The following SIM1 variants were observed in gnomAD, a reference collection of about 807,000 sequenced individuals.
SIM1 encodes the protein SIM bHLH transcription factor 1.
SIM1 carries 18 observed loss-of-function variants against 78.2 expected under a neutral mutation model. The observed-to-expected ratio is 0.23, with a 90% CI of 0.16 to 0.34. SIM1 has a LOEUF of 0.34. Ranked by LOEUF, SIM1 falls within the 10% of genes least tolerant of loss-of-function variation. SIM1 has a pLI of 1.00. For synonymous variants in SIM1, 417 were observed against 385.2 expected, an observed-to-expected ratio of 1.08 and a Z score of -0.97; for missense variants, 939 against 975.1, an observed-to-expected ratio of 0.96 and a Z score of 0.49.
At chr6:100,411,659 G>A (rs1374164575) in intron 10 of SIM1, among the ~76,000 whole-genome samples, 2 of 152,042 alleles carry the variant, frequency 1.3e-5, no homozygotes, top group Non-Finnish European at 2.9e-5. Flanking sequence ...ATGGATGCTG[G>A]GGAATGGAGG....
intron 10 of SIM1, among the ~76,000 whole-genome samples, chr6:100,406,814 T>C (rs1771061718): frequency 7.0e-6 from 1 of 143,620 alleles, no homozygotes; most frequent in Non-Finnish European, 1.6e-5. Flanking sequence ...TCACCTCACA[T>C]CGTTACCTTT....
chr6:100,440,913 T>A (rs1772196001), intron 9 of SIM1, among the ~76,000 whole-genome samples: 2 of 151,808 alleles, frequency 1.3e-5, no homozygotes, highest in Admixed American at 1.3e-4. Flanking sequence ...GTGAGTAGAC[T>A]AAGTCAGGAG....
At chr6:100,443,502 T>C (rs1772267956) in intron 9 of SIM1, among the ~76,000 whole-genome samples, 1 of 152,120 alleles carries the variant, frequency 6.6e-6, no homozygotes, top group South Asian at 2.1e-4. Flanking sequence ...TAGTTTAAAA[T>C]ACAGTATCAT....
chr6:100,412,803 C>G (rs945522432), intron 10 of SIM1, among the ~76,000 whole-genome samples: 1 of 151,488 alleles, frequency 6.6e-6, no homozygotes, highest in African/African-American at 2.4e-5. Flanking sequence ...GAAGGAAGGA[C>G]GGACGGACGG....
In SIM1 at chr6:100,387,553, T is replaced by C. The variant is rs1472394137; in HGVS notation, c.*2808A>G. 2.0e-5 allele frequency: 3 copies of C among 152,088 alleles called. No homozygotes were observed. The highest frequency in any genetic ancestry group is 4.4e-5 in the Non-Finnish European group (3 of 67,934). 9.4% of individuals were successfully genotyped at this position (152,088 alleles called of 1,614,324 possible). A position where few individuals can be genotyped will look rare whatever the true frequency, so the allele number is the denominator to read the frequency against. ...TGCAAAAAATGTAAGCTATACAATA[T>C]AGTGAGTCAATATGACATTTTATGT... is the stretch of plus-strand genomic sequence containing the variant. On this transcript the variant is annotated 3_prime_UTR_variant, in exon 12 of 12. Transcript: ENST00000369208.
intron 3 of SIM1, 32 bp downstream of exon 3, chr6:100,453,730 C>T (rs1157879458): frequency 6.4e-7 from 1 of 1,560,090 alleles, no homozygotes. Context: ...ACCCTCAAAG[C>T]TTATGTGTTG....
chr6:100,450,477 T>A lies in SIM1; in HGVS notation c.259-121A>T. The A allele has an allele frequency of 3.6e-6, 3 of 824,412 alleles. No homozygotes were observed. The South Asian group carries it at 4.5e-5, about 12-fold the overall frequency. The allele number at this position is 824,412 out of a possible 1,614,324, so 51.1% of individuals were successfully genotyped here. A position where few individuals can be genotyped will look rare whatever the true frequency, so the allele number is the denominator to read the frequency against. On this transcript the variant is annotated intron_variant, in intron 3 of 11. Coordinates refer to ENST00000369208, the MANE Select transcript of SIM1 (RefSeq NM_005068.3). ...GTAGAGAGATGGAGTGGAGCAGGTT[T>A]GGCAGGAAACAGGGCATAGAAAACT...
chr6:100,405,229 A>T (rs1037935878), intron 10 of SIM1, among the ~76,000 whole-genome samples: 45 of 151,902 alleles, frequency 3.0e-4, no homozygotes, highest in Admixed American at 1.6e-3. Context: ...ATTAAGCTTT[A>T]AAAAAAACTT....
At position 100,449,381 on chromosome 6, in the gene SIM1, G is replaced by A; in HGVS notation, c.525C>T (p.Leu175=). 6.2e-7 allele frequency: 1 copy of A among 1,613,866 alleles called. No homozygotes were observed. The highest frequency in any genetic ancestry group is 8.5e-7 in the Non-Finnish European group (1 of 1,179,836). The change falls in exon 6 of 12, where the codon CTC becomes CTT. Residue 175 remains leucine (L), a synonymous_variant. Transcript: ENST00000369208. ...KCVLAKRNAG[L]TCGGYKVIHC... is the part of the protein sequence containing the mutation. ...TACGCACCTTGTAGCCGCCACAGGTGAGGCCGGCGTTACGCTTGGCCAAGA... is the reference window on the plus strand; with the variant it reads ...TACGCACCTTGTAGCCGCCACAGGTAAGGCCGGCGTTACGCTTGGCCAAGA...
At chr6:100,405,396 A>C (rs1771028470) in intron 10 of SIM1, among the ~76,000 whole-genome samples, 1 of 152,152 alleles carries the variant, frequency 6.6e-6, no homozygotes, top group Non-Finnish European at 1.5e-5. Context: ...AAATTCAGTT[A>C]ATAAAAGTTT....
intron 10 of SIM1, among the ~76,000 whole-genome samples, chr6:100,402,087 A>G (rs1770928734): frequency 6.6e-6 from 1 of 152,210 alleles, no homozygotes; most frequent in Admixed American, 6.5e-5. Flanking sequence ...CAAATAAATA[A>G]TATGTATAAC....
chr6:100,453,621 T>A (rs970870550), intron 3 of SIM1, 141 bp downstream of exon 3: 2 of 641,348 alleles, frequency 3.1e-6, no homozygotes, highest in African/African-American at 1.9e-5. Flanking sequence ...GAGGGCCACG[T>A]GCAGTCCGGA....
chr6:100,394,006 C>G, intron 10 of SIM1, 117 bp from the exon 11 acceptor site: 1 of 1,038,774 alleles, frequency 9.6e-7, no homozygotes, highest in Non-Finnish European at 1.3e-6. Flanking sequence ...GTCTCATTGT[C>G]CTGAGGTCGT....
chr6:100,412,583 GA>G (rs1491469847), intron 10 of SIM1, among the ~76,000 whole-genome samples: 1 of 84,482 alleles, frequency 1.2e-5, no homozygotes, highest in African/African-American at 4.2e-5. Flanking sequence ...AAGAAAGAAA[GA>G]AAGAAAGAAA....
intron 10 of SIM1, among the ~76,000 whole-genome samples, chr6:100,399,877 C>T (rs981278051): frequency 1.3e-4 from 20 of 151,838 alleles, no homozygotes; most frequent in African/African-American, 4.8e-4. Flanking sequence ...GCCTAAAACA[C>T]AGTTTCAAAA....
At chr6:100,394,124 A>G in intron 10 of SIM1, 2 of 431,682 alleles carry the variant, frequency 4.6e-6, no homozygotes, top group South Asian at 9.4e-5. Context: ...AAAGCAGGAG[A>G]TAAAGATAAT....
chr6:100,456,552 CG>C (rs924617932), intron 2 of SIM1, among the ~76,000 whole-genome samples: 48 of 152,328 alleles, frequency 3.2e-4, no homozygotes, highest in African/African-American at 1.1e-3. Context: ...ATAACTAAAT[CG>C]GGTTTTAGAC....
In SIM1 at chr6:100,389,907, T is replaced by C; in HGVS notation, c.*454A>G. On this transcript the variant is annotated 3_prime_UTR_variant, in exon 12 of 12. Coordinates refer to ENST00000369208, the MANE Select transcript of SIM1 (RefSeq NM_005068.3). ...GGAAATTTCGTTAAGAAGTTTAGTGTGACAGAGTCAAAGAAAATTACCCAT... is the reference window on the plus strand; with the variant it reads ...GGAAATTTCGTTAAGAAGTTTAGTGCGACAGAGTCAAAGAAAATTACCCAT... The C allele has an allele frequency of 2.5e-6, 1 of 396,854 alleles. No homozygotes were observed. 24.6% of individuals were successfully genotyped at this position (396,854 alleles called of 1,614,324 possible). A position where few individuals can be genotyped will look rare whatever the true frequency, so the allele number is the denominator to read the frequency against.
chr6:100,426,300 A>T (rs924314610), intron 9 of SIM1, among the ~76,000 whole-genome samples: 6 of 152,196 alleles, frequency 3.9e-5, no homozygotes, highest in African/African-American at 1.4e-4. Flanking sequence ...GAAATCATTC[A>T]ATTTGCAGAA....
Sources: gnomAD v4.1 joint callset for allele counts (sites outside exome capture counted in the v4.1 genomes callset) on GRCh38, gnomAD v4.1.1 for gene constraint, MANE v1.5 for transcripts, NCBI Gene and HGNC (gene_info 2026-07-23, HGNC 2026-07-21) for gene names.